DLG2: variants seen among roughly 807,000 people sequenced by gnomAD.
DLG2 encodes the protein disks large homolog 2.
DLG2 carries 45 observed loss-of-function variants against 132.5 expected under a neutral mutation model. The ratio of observed to expected loss-of-function variants is 0.34; its 90% CI spans 0.27 to 0.44. The LOEUF is 0.44. Ranked by LOEUF, DLG2 falls within the 20% of genes least tolerant of loss-of-function variation. DLG2 has a pLI of 1.00. For missense variants in DLG2, 1,045 were observed against 1,196.9 expected (o/e 0.87, Z 1.87); for synonymous variants, 424 against 419.6 (o/e 1.01, Z -0.13).
chr11:83,823,077 T>A (rs141427351), intron 17 of DLG2, among the ~76,000 whole-genome samples: 1 of 152,156 alleles, frequency 6.6e-6, no homozygotes, highest in South Asian at 2.1e-4. Context: ...TTTATACATA[T>A]ATATGGTAAT....
chr11:85,161,127 C>A (rs1015847451), intron 4 of DLG2, among the ~76,000 whole-genome samples: 1 of 152,094 alleles, frequency 6.6e-6, no homozygotes, highest in African/African-American at 2.4e-5. Flanking sequence ...GGTCAAAAAC[C>A]GTGAAGATAT....
rs974021507 is a variant in DLG2 at position 83,499,854 on chromosome 11, TATATATATATATATATATATA to T, written c.2194-15647_2194-15627del. Among the ~76,000 whole-genome samples, 6 of 24,458 alleles carry T rather than the reference TATATATATATATATATATATA, an allele frequency of 2.5e-4. 1 individual carries two copies. The highest frequency in any genetic ancestry group is 1.6e-3 in the African/African-American group (6 of 3,676). 16.0% of individuals were successfully genotyped at this position (24,458 alleles called of 152,430 possible). A position where few individuals can be genotyped will look rare whatever the true frequency, so the allele number is the denominator to read the frequency against. On this transcript the variant is annotated intron_variant, in intron 21 of 27. Coordinates refer to ENST00000376104, the MANE Select transcript of DLG2 (RefSeq NM_001142699.3). The stretch of plus-strand genomic sequence containing the variant: ...ATATATTTCCTCCACTAATAGGAGA[TATATATATATATATATATATA>T]TATATATATATATATATATATATCA...
intron 8 of DLG2, 148 bp downstream of exon 8, chr11:84,251,090 G>T (rs781761817): frequency 1.8e-5 from 9 of 513,826 alleles, no homozygotes; most frequent in Non-Finnish European, 2.7e-5. Context: ...ACAAGATTTA[G>T]AAATTATTAA....
At chr11:83,516,612 CTT>C (rs1273222760) in intron 21 of DLG2, among the ~76,000 whole-genome samples, 3 of 152,248 alleles carry the variant, frequency 2.0e-5, no homozygotes, top group African/African-American at 7.2e-5. Context: ...GCAGTTTCCT[CTT>C]AGCCTCAACG....
chr11:85,190,505 A>G (rs1370923867), intron 4 of DLG2, among the ~76,000 whole-genome samples: 3 of 152,200 alleles, frequency 2.0e-5, no homozygotes, highest in Non-Finnish European at 2.9e-5. Flanking sequence ...AAAAGCAAAT[A>G]ACCAAGATAA....
intron 3 of DLG2, among the ~76,000 whole-genome samples, chr11:85,470,642 C>T (rs1374220903): frequency 6.6e-6 from 1 of 152,170 alleles, no homozygotes; most frequent in Non-Finnish European, 1.5e-5. Flanking sequence ...GCATGAGAAT[C>T]ACTTGAACCT....
At chr11:83,973,403 T>C (rs1053738586) in intron 12 of DLG2, among the ~76,000 whole-genome samples, 2 of 151,496 alleles carry the variant, frequency 1.3e-5, no homozygotes, top group Admixed American at 6.6e-5. Context: ...TTATAACTTA[T>C]TACATTTGAG....
intron 8 of DLG2, among the ~76,000 whole-genome samples, chr11:84,237,606 A>G (rs1221441426): frequency 6.6e-6 from 1 of 152,224 alleles, no homozygotes; most frequent in Admixed American, 6.5e-5. Context: ...GCTGTTCATG[A>G]AGAGGAAACT....
At chr11:85,612,923 G>A (rs1180786830) in intron 2 of DLG2, among the ~76,000 whole-genome samples, 3 of 152,110 alleles carry the variant, frequency 2.0e-5, no homozygotes, top group Non-Finnish European at 4.4e-5. Flanking sequence ...AGACTCTTTG[G>A]CAGCAGTGAC....
chr11:84,555,092 G>C (rs914903476), intron 6 of DLG2, among the ~76,000 whole-genome samples: 1 of 152,044 alleles, frequency 6.6e-6, no homozygotes, highest in African/African-American at 2.4e-5. Context: ...GGAAGGATTT[G>C]GGTCCCCATC....
chr11:84,228,238 G>T (rs2097035327), intron 8 of DLG2, among the ~76,000 whole-genome samples: 1 of 151,998 alleles, frequency 6.6e-6, no homozygotes, highest in African/African-American at 2.4e-5. Flanking sequence ...GCTTTTTTTG[G>T]TTAGAGTCAA....
intron 5 of DLG2, among the ~76,000 whole-genome samples, chr11:85,141,125 AT>A (rs1566926029): frequency 6.6e-6 from 1 of 151,712 alleles, no homozygotes; most frequent in Non-Finnish European, 1.5e-5. Flanking sequence ...TCTATTTTTA[AT>A]TTTTGAGGAA....
chr11:84,572,764 G>GA (rs571039476), intron 6 of DLG2, among the ~76,000 whole-genome samples: 32 of 147,292 alleles, frequency 2.2e-4, no homozygotes, highest in East Asian at 1.4e-3. Context: ...TCCAGGACAA[G>GA]AAAAAAAAAA....
chr11:84,072,098 T>C (rs1287015811), intron 10 of DLG2, among the ~76,000 whole-genome samples: 3 of 152,224 alleles, frequency 2.0e-5, no homozygotes, highest in Non-Finnish European at 4.4e-5. Context: ...AGTTTTCTAA[T>C]TCACATAAAA....
intron 19 of DLG2, among the ~76,000 whole-genome samples, chr11:83,542,535 C>T (rs561004446): frequency 6.6e-6 from 1 of 152,272 alleles, no homozygotes; most frequent in East Asian, 1.9e-4. Flanking sequence ...TTTGTGCTTC[C>T]ATACGATGCC....
intron 6 of DLG2, among the ~76,000 whole-genome samples, chr11:84,652,049 G>T (rs890814491): frequency 6.6e-6 from 1 of 152,130 alleles, no homozygotes; most frequent in Admixed American, 6.6e-5. Context: ...AAAAAAATAG[G>T]CTTGTCTGGA....
intron 15 of DLG2, among the ~76,000 whole-genome samples, chr11:83,887,161 T>C (rs1269316968): frequency 2.6e-5 from 4 of 151,382 alleles, no homozygotes; most frequent in African/African-American, 7.3e-5. Context: ...AATCCAGGAG[T>C]TGGTTTTTTG....
At chr11:84,962,865 C>G (rs1341732194) in intron 6 of DLG2, among the ~76,000 whole-genome samples, 1 of 152,192 alleles carries the variant, frequency 6.6e-6, no homozygotes, top group Non-Finnish European at 1.5e-5. Context: ...CAGCTGATAA[C>G]TTATTTCCCC....
intron 6 of DLG2, among the ~76,000 whole-genome samples, chr11:85,061,642 T>G (rs1322331386): frequency 2.6e-5 from 4 of 151,888 alleles, no homozygotes; most frequent in African/African-American, 9.7e-5. Context: ...AACACATACA[T>G]AATTTTAAAC....
Sources: gnomAD v4.1 joint callset for allele counts (sites outside exome capture counted in the v4.1 genomes callset) on GRCh38, gnomAD v4.1.1 for gene constraint, MANE v1.5 for transcripts, NCBI Gene and HGNC (gene_info 2026-07-23, HGNC 2026-07-21) for gene names.